Variants in HS6ST3 observed in about 807,000 individuals in gnomAD.
HS6ST3 encodes the protein heparan sulfate 6-O-sulfotransferase 3, also known as heparan-sulfate 6-O-sulfotransferase 3.
In HS6ST3, 12 loss-of-function variants were observed where a neutral mutation model predicts 36.7. That is an observed-to-expected ratio of 0.33 (90% CI 0.21 to 0.53). The LOEUF (loss-of-function observed/expected upper bound fraction) is 0.53. Among genes scored for constraint, HS6ST3 ranks in the 20% least tolerant of loss-of-function variants. The pLI, the probability that HS6ST3 is intolerant of heterozygous loss-of-function variation, is 0.95. For synonymous variants in HS6ST3, 240 were observed against 257.5 expected, an observed-to-expected ratio of 0.93 and a Z score of 0.65; for missense variants, 584 against 640.9, an observed-to-expected ratio of 0.91 and a Z score of 0.96.
At chr13:96,376,136 A>T (rs576734869) in intron 1 of HS6ST3, among the ~76,000 whole-genome samples, 1 of 152,344 alleles carries the variant, frequency 6.6e-6, no homozygotes, top group Non-Finnish European at 1.5e-5. Context: ...AGATGGAGTT[A>T]AAAAGGGTGG....
At chr13:96,129,051 T>A (rs1271263886) in intron 1 of HS6ST3, among the ~76,000 whole-genome samples, 2 of 152,120 alleles carry the variant, frequency 1.3e-5, no homozygotes, top group Non-Finnish European at 2.9e-5. Context: ...TTCACCATGT[T>A]GGCCAGCCTC....
At chr13:96,794,696 G>T (rs1877868911) in intron 1 of HS6ST3, among the ~76,000 whole-genome samples, 1 of 151,972 alleles carries the variant, frequency 6.6e-6, no homozygotes, top group South Asian at 2.1e-4. Flanking sequence ...AAGGAAACAG[G>T]TTACATTGTG....
rs115169080 is a variant in HS6ST3, at chr13:96,833,183, G to C, written c.1401G>C (p.Gln467His). 2 of 1,566,262 alleles carry C rather than the reference G, an allele frequency of 1.3e-6. No homozygotes were observed. Among genetic ancestry groups the C allele is most frequent in the Admixed American group, 1.8e-5 (1 of 55,714 alleles). ...CTGTCACCGAGGACTACAACAGCCAGGTGGTGAGATGGTGACCTCCTGCCC... is the reference window on the plus strand; with the variant it reads ...CTGTCACCGAGGACTACAACAGCCACGTGGTGAGATGGTGACCTCCTGCCC... ...EGTVTEDYNS[Q>H]VVRW The change falls in exon 2 of 2, where the codon CAG becomes CAC. Residue 467 changes from glutamine to histidine, a missense_variant. Around this residue, in one of 3 missense-constraint regions of HS6ST3, gnomAD observed 360 missense variants for 411.3 expected, o/e 0.88. Coordinates refer to ENST00000376705, the MANE Select transcript of HS6ST3 (RefSeq NM_153456.4).
intron 1 of HS6ST3, among the ~76,000 whole-genome samples, chr13:96,110,038 GA>G (rs1186383427): frequency 6.6e-6 from 1 of 152,202 alleles, no homozygotes; most frequent in African/African-American, 2.4e-5. Context: ...AGAGGCTTCT[GA>G]ATTAGTCCAT....
chr13:96,435,634 A>G (rs368814068), intron 1 of HS6ST3, among the ~76,000 whole-genome samples: 1 of 152,158 alleles, frequency 6.6e-6, no homozygotes, highest in Non-Finnish European at 1.5e-5. Flanking sequence ...GCCCTCGCAT[A>G]TTGGTTAAGT....
At chr13:96,131,260 A>G (rs1259471123) in intron 1 of HS6ST3, among the ~76,000 whole-genome samples, 1 of 152,202 alleles carries the variant, frequency 6.6e-6, no homozygotes, top group Non-Finnish European at 1.5e-5. Context: ...TTTACTAAAG[A>G]AACTCTTCTA....
intron 1 of HS6ST3, among the ~76,000 whole-genome samples, chr13:96,112,850 A>G (rs2053877386): frequency 6.6e-6 from 1 of 151,914 alleles, no homozygotes; most frequent in Non-Finnish European, 1.5e-5. Flanking sequence ...GGTGGAGGGT[A>G]TCTGTGGGTT....
chr13:96,271,380 C>T (rs1252987791), intron 1 of HS6ST3, among the ~76,000 whole-genome samples: 2 of 151,660 alleles, frequency 1.3e-5, no homozygotes, highest in African/African-American at 4.9e-5. Flanking sequence ...ATTTAATGAC[C>T]GGGTTGTGCA....
At chr13:96,253,504 G>A (rs1412467353) in intron 1 of HS6ST3, among the ~76,000 whole-genome samples, 1 of 152,048 alleles carries the variant, frequency 6.6e-6, no homozygotes, top group Non-Finnish European at 1.5e-5. Flanking sequence ...TGCATCATTG[G>A]TATGCTGGAT....
intron 1 of HS6ST3, among the ~76,000 whole-genome samples, chr13:96,547,285 TC>T (rs1235230533): frequency 1.3e-5 from 2 of 152,158 alleles, no homozygotes; most frequent in African/African-American, 4.8e-5. Flanking sequence ...GCTGTTGATA[TC>T]AGGACATCAA....
intron 1 of HS6ST3, among the ~76,000 whole-genome samples, chr13:96,700,381 G>C (rs1161228913): frequency 1.3e-5 from 2 of 152,006 alleles, no homozygotes; most frequent in Non-Finnish European, 2.9e-5. Context: ...TCTCCCACCA[G>C]GTCCCTCCCA....
intron 1 of HS6ST3, among the ~76,000 whole-genome samples, chr13:96,106,476 A>G (rs1295124989): frequency 6.6e-6 from 1 of 152,206 alleles, no homozygotes; most frequent in Non-Finnish European, 1.5e-5. Context: ...GTGAGCTTGG[A>G]AAAGGATCCT....
At chr13:96,686,095 G>A (rs1179922281) in intron 1 of HS6ST3, among the ~76,000 whole-genome samples, 4 of 151,874 alleles carry the variant, frequency 2.6e-5, no homozygotes, top group South Asian at 2.1e-4. Context: ...GGAGGAAGGC[G>A]TTTGCCTGCA....
chr13:96,346,129 A>G (rs115412585), intron 1 of HS6ST3, among the ~76,000 whole-genome samples: 308 of 152,332 alleles, frequency 2.0e-3, no homozygotes, highest in African/African-American at 6.9e-3. Context: ...TGTGCAGCCC[A>G]GTCCCTAACA....
In HS6ST3 at chr13:96,411,993, C is replaced by A. The variant is rs528028941; in HGVS notation, c.707+320424C>A. On this transcript the variant is annotated intron_variant, in intron 1 of 1. Transcript: ENST00000376705. Reference sequence around the variant, plus strand: ...AGGTGGTATGCCTGGTATTTCTTTTCTTTTCTTTATTTTTTCTTTCCTTTT... The same window carrying A: ...AGGTGGTATGCCTGGTATTTCTTTTATTTTCTTTATTTTTTCTTTCCTTTT... Among the ~76,000 whole-genome samples the A allele has an allele frequency of 5.3e-5, 8 of 152,038 alleles. No homozygotes were observed. The South Asian group carries it at 1.7e-3, about 32-fold the overall frequency.
At chr13:96,627,619 ATTTTAATAGT>A (rs967767660) in intron 1 of HS6ST3, among the ~76,000 whole-genome samples, 7 of 151,842 alleles carry the variant, frequency 4.6e-5, no homozygotes, top group African/African-American at 1.4e-4. Context: ...TTGAATATTT[ATTTTAATAGT>A]AAGACTCTCT....
At chr13:96,558,398 A>G (rs2056249157) in intron 1 of HS6ST3, among the ~76,000 whole-genome samples, 1 of 152,222 alleles carries the variant, frequency 6.6e-6, no homozygotes, top group Admixed American at 6.5e-5. Context: ...AAGAAGAGAA[A>G]GTTAAGTTTC....
At chr13:96,413,112 T>G (rs1003957051) in intron 1 of HS6ST3, among the ~76,000 whole-genome samples, 1 of 152,164 alleles carries the variant, frequency 6.6e-6, no homozygotes, top group African/African-American at 2.4e-5. Context: ...TGTGAGCACA[T>G]TCTTACTTGA....
chr13:96,228,555 C>T (rs1328689244), intron 1 of HS6ST3, among the ~76,000 whole-genome samples: 9 of 152,166 alleles, frequency 5.9e-5, no homozygotes, highest in Admixed American at 3.9e-4. Context: ...TGTGGACCAC[C>T]GTGCCCGGCC....
Sources: gnomAD v4.1 joint callset for allele counts (sites outside exome capture counted in the v4.1 genomes callset) on GRCh38, gnomAD v4.1.1 for gene constraint, gnomAD v4.1.1 regional missense constraint, MANE v1.5 for transcripts, NCBI Gene and HGNC (gene_info 2026-07-23, HGNC 2026-07-21) for gene names.